SLC36A1: variants seen among roughly 807,000 people sequenced by gnomAD.
The protein encoded by SLC36A1 is proton-coupled amino acid transporter 1.
A neutral mutation model predicts 47.5 loss-of-function variants in SLC36A1; 30 were observed. That is an observed-to-expected ratio of 0.63 (90% CI 0.47 to 0.86). The LOEUF is 0.86. Ranked by LOEUF, SLC36A1 falls within the 40% of genes least tolerant of loss-of-function variation. The pLI, the probability that SLC36A1 is intolerant of heterozygous loss-of-function variation, is 0.00. For missense variants in SLC36A1, 517 were observed against 606.0 expected (o/e 0.85, Z 1.54); for synonymous variants, 255 against 249.7 (o/e 1.02, Z -0.20).
the SLC36A1 span, among the ~76,000 whole-genome samples, chr5:151,371,708 T>TA: frequency 6.6e-6 from 1 of 152,204 alleles, no homozygotes; most frequent in East Asian, 1.9e-4. Context: ...GGATTTTTTT[T>TA]AAAAACACTC....
chr5:151,505,624 A>AGTT, the SLC36A1 span: 1 of 1,614,092 alleles, frequency 6.2e-7, no homozygotes, highest in Non-Finnish European at 8.5e-7. Context: ...GAGCCCTCAT[A>AGTT]GTTGGGGGGC....
the SLC36A1 span, among the ~76,000 whole-genome samples, chr5:151,533,437 C>CACACACAG: frequency 6.6e-6 from 1 of 150,502 alleles, no homozygotes; most frequent in African/African-American, 2.5e-5. Flanking sequence ...CACACACACA[C>CACACACAG]GCTTTCCAGG....
chr5:151,423,041 A>G, the SLC36A1 span, among the ~76,000 whole-genome samples: 1 of 152,200 alleles, frequency 6.6e-6, no homozygotes, highest in African/African-American at 2.4e-5. Flanking sequence ...GATGCTCCAC[A>G]TCATATGTCA....
At chr5:151,396,717 A>G in the SLC36A1 span, among the ~76,000 whole-genome samples, 1 of 152,182 alleles carries the variant, frequency 6.6e-6, no homozygotes, top group African/African-American at 2.4e-5. Flanking sequence ...GAAGATAATA[A>G]CTTAGTGAGT....
At chr5:151,413,085 T>C in the SLC36A1 span, among the ~76,000 whole-genome samples, 1 of 149,066 alleles carries the variant, frequency 6.7e-6, no homozygotes, top group Non-Finnish European at 1.5e-5. Context: ...GCAGGAACTT[T>C]ATCTGATTTG....
chr5:151,449,584 C>G (rs565220095), intron 1 of SLC36A1, among the ~76,000 whole-genome samples: 1 of 152,330 alleles, frequency 6.6e-6, no homozygotes, highest in South Asian at 2.1e-4. Context: ...AGAGTTTTCT[C>G]TGTTCCAAAG....
At chr5:151,469,436 A>G (rs1458432566) in intron 7 of SLC36A1, among the ~76,000 whole-genome samples, 1 of 152,180 alleles carries the variant, frequency 6.6e-6, no homozygotes, top group Admixed American at 6.5e-5. Flanking sequence ...GTTAGTTGTC[A>G]CATTGTATCA....
At chr5:151,410,066 C>T in the SLC36A1 span, among the ~76,000 whole-genome samples, 2 of 152,210 alleles carry the variant, frequency 1.3e-5, no homozygotes, top group Non-Finnish European at 2.9e-5. Context: ...AGCATTGTCT[C>T]CTTTTCCACT....
intron 3 of SLC36A1, among the ~76,000 whole-genome samples, chr5:151,464,224 CAGG>C (rs1435832280): frequency 1.3e-5 from 2 of 152,224 alleles, no homozygotes; most frequent in East Asian, 3.8e-4. Context: ...CCCACAGTCA[CAGG>C]AGCCTTCTAT....
At chr5:151,510,348 C>T in the SLC36A1 span, 1 of 647,664 alleles carries the variant, frequency 1.5e-6, no homozygotes, top group East Asian at 2.8e-5. Context: ...ACCAAGAGCA[C>T]TTTGGTCCCT....
upstream of SLC36A1, among the ~76,000 whole-genome samples, chr5:151,445,283 TG>T (rs1372764190): frequency 6.6e-6 from 1 of 152,240 alleles, no homozygotes; most frequent in Non-Finnish European, 1.5e-5. Flanking sequence ...TGTATTATAT[TG>T]CTTGATTAGT....
At chr5:151,356,664 A>G in the SLC36A1 span, among the ~76,000 whole-genome samples, 1 of 152,086 alleles carries the variant, frequency 6.6e-6, no homozygotes, top group Non-Finnish European at 1.5e-5. Context: ...CACTTACTCA[A>G]AGACAAGGAA....
chr5:151,445,552 C>T (rs1460172790), upstream of SLC36A1, among the ~76,000 whole-genome samples: 1 of 152,168 alleles, frequency 6.6e-6, no homozygotes, highest in Non-Finnish European at 1.5e-5. Context: ...TAGTAACAAA[C>T]CTTCTTCTTT....
the SLC36A1 span, among the ~76,000 whole-genome samples, chr5:151,503,876 T>C: frequency 9.9e-4 from 150 of 152,196 alleles, no homozygotes; most frequent in African/African-American, 3.4e-3. Flanking sequence ...GACAGTTGTA[T>C]CAGAGGCAGA....
the SLC36A1 span, among the ~76,000 whole-genome samples, chr5:151,417,853 G>T: frequency 6.6e-6 from 1 of 152,224 alleles, no homozygotes. Context: ...AACATCTCCA[G>T]GGCATGTCAG....
intron 7 of SLC36A1, chr5:151,469,408 T>C (rs1015234086): frequency 8.8e-6 from 5 of 570,706 alleles, no homozygotes; most frequent in Non-Finnish European, 1.6e-5. Flanking sequence ...TTAGTATTCC[T>C]GGCTCTACCT....
At chr5:151,544,901 A>T in the SLC36A1 span, 1 of 1,614,138 alleles carries the variant, frequency 6.2e-7, no homozygotes, top group South Asian at 1.1e-5. Context: ...ATGATTGTGT[A>T]ATAGGGCAGA....
the SLC36A1 span, chr5:151,511,426 C>T: frequency 6.6e-6 from 1 of 152,180 alleles, no homozygotes; most frequent in African/African-American, 2.4e-5. Context: ...CCTATTTAGT[C>T]AAAATAATTA....
chr5:151,495,040 G>A (rs926977886), downstream of SLC36A1, among the ~76,000 whole-genome samples: 1 of 152,210 alleles, frequency 6.6e-6, no homozygotes, highest in African/African-American at 2.4e-5. Flanking sequence ...GAGGTTGTAT[G>A]GGAAATGTGT....
Sources: gnomAD v4.1 joint callset for allele counts (sites outside exome capture counted in the v4.1 genomes callset) on GRCh38, gnomAD v4.1.1 for gene constraint, MANE v1.5 for transcripts, NCBI Gene and HGNC (gene_info 2026-07-23, HGNC 2026-07-21) for gene names.